The following CNTN1 variants were observed in gnomAD, a reference collection of about 807,000 sequenced individuals.
The protein encoded by CNTN1 is contactin 1.
CNTN1 carries 38 observed loss-of-function variants against 126.4 expected under a neutral mutation model. The ratio of observed to expected loss-of-function variants is 0.30; its 90% CI spans 0.23 to 0.39. CNTN1 has a LOEUF of 0.39. Ranked by LOEUF, CNTN1 falls within the 10% of genes least tolerant of loss-of-function variation. The probability of loss-of-function intolerance (pLI) is 1.00; values close to 1 mark genes in which losing one functional copy is unlikely to be tolerated. For synonymous variants in CNTN1, 413 were observed against 422.6 expected, an observed-to-expected ratio of 0.98 and a Z score of 0.28; for missense variants, 1,009 against 1,248.4, an observed-to-expected ratio of 0.81 and a Z score of 2.89.
intron 1 of CNTN1, among the ~76,000 whole-genome samples, chr12:40,861,142 G>C (rs1943103894): frequency 6.6e-6 from 1 of 152,086 alleles, no homozygotes; most frequent in Non-Finnish European, 1.5e-5. Flanking sequence ...GTTAATTGAA[G>C]CCTATTTGCT....
At chr12:40,992,624 A>G (rs1249432046) in intron 16 of CNTN1, among the ~76,000 whole-genome samples, 1 of 152,136 alleles carries the variant, frequency 6.6e-6, no homozygotes, top group Non-Finnish European at 1.5e-5. Context: ...ACTTGTCCAA[A>G]TGATTTGAGT....
At chr12:41,046,688 T>C (rs1949546498) in intron 23 of CNTN1, among the ~76,000 whole-genome samples, 1 of 152,058 alleles carries the variant, frequency 6.6e-6, no homozygotes, top group Admixed American at 6.6e-5. Context: ...TTAATATTAC[T>C]AATAACTGCA....
intron 23 of CNTN1, among the ~76,000 whole-genome samples, chr12:41,044,854 A>G (rs1383780432): frequency 1.3e-5 from 2 of 152,082 alleles, no homozygotes; most frequent in Non-Finnish European, 2.9e-5. Context: ...AGTATTGGGT[A>G]TTAGCAAAAT....
At chr12:40,694,205 T>C (rs1386979516) in intron 1 of CNTN1, among the ~76,000 whole-genome samples, 1 of 152,250 alleles carries the variant, frequency 6.6e-6, no homozygotes, top group Non-Finnish European at 1.5e-5. Flanking sequence ...ACTAAGGAAC[T>C]GCTAGAACCC....
At chr12:40,822,729 G>GTT (rs1249359709) in intron 1 of CNTN1, among the ~76,000 whole-genome samples, 1 of 151,980 alleles carries the variant, frequency 6.6e-6, no homozygotes, top group Non-Finnish European at 1.5e-5. Context: ...ATAGAATAAG[G>GTT]TAATAGCATC....
At chr12:41,012,859 A>G (rs1036878732) in intron 17 of CNTN1, among the ~76,000 whole-genome samples, 4 of 152,166 alleles carry the variant, frequency 2.6e-5, no homozygotes, top group African/African-American at 9.7e-5. Flanking sequence ...GGTATCATGG[A>G]TGAGGTCCCC....
intron 1 of CNTN1, among the ~76,000 whole-genome samples, chr12:40,889,574 A>G (rs940187218): frequency 3.3e-5 from 5 of 152,192 alleles, no homozygotes; most frequent in African/African-American, 1.2e-4. Flanking sequence ...GGGTTTTTGA[A>G]GCCCCAAATC....
chr12:40,936,941 C>T (rs555510237), intron 10 of CNTN1, 36 bp downstream of exon 10: 12 of 1,610,588 alleles, frequency 7.5e-6, no homozygotes, highest in South Asian at 3.3e-5. Flanking sequence ...TTCCTGAGTC[C>T]CTGTTCAAGC....
chr12:40,856,402 C>T (rs1942908111), intron 1 of CNTN1, among the ~76,000 whole-genome samples: 1 of 152,096 alleles, frequency 6.6e-6, no homozygotes, highest in Admixed American at 6.6e-5. Flanking sequence ...GAGTGGGCTA[C>T]ATTTTAAATA....
At chr12:41,000,409 A>C (rs1008121553) in intron 17 of CNTN1, among the ~76,000 whole-genome samples, 2 of 152,190 alleles carry the variant, frequency 1.3e-5, no homozygotes. Context: ...TTTTAACTTC[A>C]GAATATGAGT....
rs1250256187 is a variant in CNTN1 at position 41,071,174 on chromosome 12, G to A, written c.*1139G>A. On this transcript the variant is annotated 3_prime_UTR_variant, in exon 24 of 24. Transcript: ENST00000551295. ...GCTAAAAATACCAAATCAATATACT[G>A]CTAATGGTACTTTGAAGAGTATGCA... is the stretch of plus-strand genomic sequence containing the variant. 1 of 151,992 alleles carries A rather than the reference G, an allele frequency of 6.6e-6. No homozygotes were observed. The highest frequency in any genetic ancestry group is 1.5e-5 in the Non-Finnish European group (1 of 67,986). 9.4% of individuals were successfully genotyped at this position (151,992 alleles called of 1,614,324 possible).
intron 1 of CNTN1, among the ~76,000 whole-genome samples, chr12:40,698,499 G>A (rs59257821): frequency 0.021 from 3,196 of 152,082 alleles, 56 homozygotes; most frequent in African/African-American, 0.047. Context: ...GCCTCCCAAA[G>A]TGCTGAGATT....
chr12:40,785,071 A>G (rs1401568889), intron 1 of CNTN1, among the ~76,000 whole-genome samples: 1 of 152,172 alleles, frequency 6.6e-6, no homozygotes, highest in East Asian at 1.9e-4. Flanking sequence ...ACTTAAAGCT[A>G]ACAAAAGCAT....
intron 19 of CNTN1, among the ~76,000 whole-genome samples, chr12:41,018,480 C>T (rs897537050): frequency 3.9e-5 from 6 of 151,928 alleles, no homozygotes; most frequent in Non-Finnish European, 8.8e-5. Context: ...ATGATCTTTA[C>T]TTTTATTAAA....
At chr12:41,025,725 A>G (rs933953195) in intron 21 of CNTN1, among the ~76,000 whole-genome samples, 3 of 152,164 alleles carry the variant, frequency 2.0e-5, no homozygotes, top group African/African-American at 7.2e-5. Context: ...AACCTCTGTC[A>G]TTGCACAGTG....
chr12:41,009,077 C>T (rs1948581103), intron 17 of CNTN1, among the ~76,000 whole-genome samples: 1 of 152,188 alleles, frequency 6.6e-6, no homozygotes. Flanking sequence ...GAGCCTCTGT[C>T]CATGAAGAGG....
intron 1 of CNTN1, among the ~76,000 whole-genome samples, chr12:40,848,465 A>G (rs1942597789): frequency 6.6e-6 from 1 of 152,192 alleles, no homozygotes. Flanking sequence ...ATTAGTGTTT[A>G]TATAATGAAA....
At chr12:40,867,908 T>C (rs1295419392) in intron 1 of CNTN1, among the ~76,000 whole-genome samples, 1 of 150,832 alleles carries the variant, frequency 6.6e-6, no homozygotes, top group African/African-American at 2.4e-5. Flanking sequence ...ATTATTATTA[T>C]TTTGTTGATA....
chr12:40,844,069 A>ATTTTTTTTTTT lies in CNTN1; in HGVS notation c.-76-64282_-76-64272dup, dbSNP rs397957366. On this transcript the variant is annotated intron_variant, in intron 1 of 23. Coordinates refer to ENST00000551295, the MANE Select transcript of CNTN1 (RefSeq NM_001843.4). ...ATTGAAAAAATTCTTTGGCACAATG[A>ATTTTTTTTTTT]TTTTTTTTTTTTTTTTGAGACGGAG... Among the ~76,000 whole-genome samples, 58 of 84,644 alleles carry ATTTTTTTTTTT rather than the reference A, an allele frequency of 6.9e-4. 15 individuals carry two copies. The highest frequency in any genetic ancestry group is 1.4e-3 in the African/African-American group (35 of 24,728). The allele number at this position is 84,644 out of a possible 152,430, so 55.5% of individuals were successfully genotyped here. A position where few individuals can be genotyped will look rare whatever the true frequency, so the allele number is the denominator to read the frequency against.
Sources: gnomAD v4.1 joint callset for allele counts (sites outside exome capture counted in the v4.1 genomes callset) on GRCh38, gnomAD v4.1.1 for gene constraint, MANE v1.5 for transcripts, NCBI Gene and HGNC (gene_info 2026-07-23, HGNC 2026-07-21) for gene names.